Variants in DISC1 observed in about 807,000 individuals in gnomAD.
The protein encoded by DISC1 is DISC1 scaffold protein.
In DISC1, 57 loss-of-function variants were observed where a neutral mutation model predicts 84.5. That is an observed-to-expected ratio of 0.67 (90% CI 0.55 to 0.84). DISC1 has a LOEUF of 0.84. DISC1 is among the 40% of genes least tolerant of loss of function. DISC1 has a pLI of 0.00. For synonymous variants in DISC1, 411 were observed against 415.2 expected, an observed-to-expected ratio of 0.99 and a Z score of 0.12; for missense variants, 1,000 against 1,057.8, an observed-to-expected ratio of 0.95 and a Z score of 0.76.
chr1:231,628,923 G>A (rs950713518), intron 1 of DISC1, among the ~76,000 whole-genome samples: 2 of 151,638 alleles, frequency 1.3e-5, no homozygotes, highest in Non-Finnish European at 2.9e-5. Flanking sequence ...TTTTTTTAGA[G>A]TTGGAGTCTT....
intron 9 of DISC1, among the ~76,000 whole-genome samples, chr1:231,919,382 G>C (rs367699997): frequency 6.6e-6 from 1 of 152,184 alleles, no homozygotes; most frequent in East Asian, 1.9e-4. Context: ...GTTTTGGGTG[G>C]ATTTCTTTTT....
At chr1:231,990,182 G>A (rs761391297) in intron 10 of DISC1, among the ~76,000 whole-genome samples, 5 of 152,006 alleles carry the variant, frequency 3.3e-5, no homozygotes, top group Non-Finnish European at 4.4e-5. Flanking sequence ...TTGTCTGGTG[G>A]TTCTGTTATC....
intron 8 of DISC1, among the ~76,000 whole-genome samples, chr1:231,805,599 CT>C (rs2079643704): frequency 6.6e-6 from 1 of 151,818 alleles, no homozygotes; most frequent in African/African-American, 2.4e-5. Flanking sequence ...GAAACTGCCC[CT>C]ATGATCCAAT....
chr1:231,702,404 AC>A (rs1188297325), intron 3 of DISC1: 1 of 1,001,802 alleles, frequency 1.0e-6, no homozygotes, highest in African/African-American at 1.7e-5. Context: ...GGAAAGTAAG[AC>A]AGACATGGTA....
At chr1:231,907,131 C>CTTTTTCTTTCTTTCTT (rs1334782802) in intron 9 of DISC1, among the ~76,000 whole-genome samples, 1 of 93,100 alleles carries the variant, frequency 1.1e-5, no homozygotes, top group Non-Finnish European at 2.0e-5. Context: ...TCCTTCCTTC[C>CTTTTTCTTTCTTTCTT]TCTTTCTTTC....
At chr1:231,644,908 C>T (rs2060001367) in intron 1 of DISC1, among the ~76,000 whole-genome samples, 1 of 151,850 alleles carries the variant, frequency 6.6e-6, no homozygotes, top group Admixed American at 6.6e-5. Flanking sequence ...GGGTTTGTGC[C>T]CTAGGATCCT....
chr1:231,907,713 T>C (rs2088848390), intron 9 of DISC1, among the ~76,000 whole-genome samples: 1 of 152,192 alleles, frequency 6.6e-6, no homozygotes, highest in Admixed American at 6.5e-5. Flanking sequence ...CTGGGTCAAA[T>C]GGTATTTCTA....
intron 1 of DISC1, among the ~76,000 whole-genome samples, chr1:231,678,356 G>A (rs890136162): frequency 2.6e-5 from 4 of 152,138 alleles, no homozygotes; most frequent in African/African-American, 4.8e-5. Context: ...CTCGGCAGGC[G>A]GGCAGCTCTG....
chr1:232,034,010 AT>A (rs568980061), intron 12 of DISC1, among the ~76,000 whole-genome samples: 1 of 150,898 alleles, frequency 6.6e-6, no homozygotes, highest in South Asian at 2.1e-4. Flanking sequence ...CCCATTCTGC[AT>A]TTTTTTTTCT....
chr1:232,009,904 G>A lies in DISC1; in HGVS notation c.2307+855G>A, dbSNP rs1667872603. 1.3e-5 allele frequency among the ~76,000 whole-genome samples: 2 copies of A among 152,322 alleles called. No individual in the cohort carries two copies. The highest frequency in any genetic ancestry group is 1.9e-4 in the East Asian group (1 of 5,178). On this transcript the variant is annotated intron_variant, in intron 11 of 12. Coordinates refer to ENST00000439617, the MANE Select transcript of DISC1 (RefSeq NM_018662.3). This position sits in a 1 kb window ranked among gnomAD's most constrained non-coding sequence, Gnocchi z 4.6. ...CTTTCAAGTCTCATGGTTGATGTTA[G>A]ATGTTAGCTGTGCTTCCTCCCTGGG...
intron 6 of DISC1, among the ~76,000 whole-genome samples, chr1:231,791,025 A>G (rs1024735044): frequency 1.3e-5 from 2 of 152,194 alleles, no homozygotes; most frequent in African/African-American, 2.4e-5. Context: ...TTCTTTTGCC[A>G]CAGCCACCCC....
intron 11 of DISC1, among the ~76,000 whole-genome samples, chr1:232,016,233 A>G (rs150180425): frequency 6.6e-6 from 1 of 152,252 alleles, no homozygotes; most frequent in Non-Finnish European, 1.5e-5. Context: ...TATAAAGTGA[A>G]CATGGATGGA....
chr1:231,683,804 C>T (rs1458932831), intron 1 of DISC1, among the ~76,000 whole-genome samples: 1 of 152,002 alleles, frequency 6.6e-6, no homozygotes, highest in Non-Finnish European at 1.5e-5. Flanking sequence ...TCGGTCCCCA[C>T]CTGGAAGCCA....
intron 9 of DISC1, among the ~76,000 whole-genome samples, chr1:231,856,134 G>A (rs2084254135): frequency 6.6e-6 from 1 of 152,212 alleles, no homozygotes. Context: ...TCAGATGGGA[G>A]ATGGGTTGCC....
rs775477136 is a variant in DISC1, at chr1:231,626,905, C to CCGG, written c.50_52dup (p.Gly17dup). On this transcript the variant is annotated inframe_insertion, in exon 1 of 13. Coordinates refer to ENST00000439617, the MANE Select transcript of DISC1 (RefSeq NM_018662.3). ...GGTCCTCAGGGCGCCCCAGCCGCCG[C>CCGG]CGGCGGCGGCGGCGTGAGCCACCGC... 9.3e-6 allele frequency: 14 copies of CCGG among 1,502,422 alleles called. No individual in the cohort carries two copies. The East Asian group carries it at 1.1e-4, about 11-fold the overall frequency. The allele number at this position is 1,502,422 out of a possible 1,614,324, so 93.1% of individuals were successfully genotyped here.
Position 231,723,621 on chromosome 1 carries a change from A to T in DISC1, c.1117+21597A>T, listed in dbSNP as rs931475508. On this transcript the variant is annotated intron_variant, in intron 3 of 12. Coordinates refer to ENST00000439617, the MANE Select transcript of DISC1 (RefSeq NM_018662.3). ...TATTGGTCCTATTCTGTCTTATAACAGTCTGCTCTGGTGATTTTTGTCTCA... is the reference window on the plus strand; with the variant it reads ...TATTGGTCCTATTCTGTCTTATAACTGTCTGCTCTGGTGATTTTTGTCTCA... 4 of 985,336 alleles carry T rather than the reference A, an allele frequency of 4.1e-6. No individual in the cohort carries two copies. The African/African-American group carries it at 7.0e-5, about 17-fold the overall frequency. 61.0% of individuals were successfully genotyped at this position (985,336 alleles called of 1,614,324 possible).
intron 1 of DISC1, among the ~76,000 whole-genome samples, chr1:231,687,480 C>T (rs1441207801): frequency 6.6e-6 from 1 of 152,166 alleles, no homozygotes; most frequent in Non-Finnish European, 1.5e-5. Context: ...GGGGAAATTG[C>T]CCCCATCATT....
intron 10 of DISC1, among the ~76,000 whole-genome samples, chr1:231,968,734 G>T (rs936376709): frequency 6.6e-6 from 1 of 152,100 alleles, no homozygotes; most frequent in Admixed American, 6.5e-5. Flanking sequence ...GGTCGATCTG[G>T]AAGCTTCATC....
intron 3 of DISC1, among the ~76,000 whole-genome samples, chr1:231,720,399 C>T (rs1165303293): frequency 6.6e-6 from 1 of 152,070 alleles, no homozygotes; most frequent in African/African-American, 2.4e-5. Flanking sequence ...GGTGCAGTGG[C>T]ATGATCATAG....
Sources: gnomAD v4.1 joint callset for allele counts (sites outside exome capture counted in the v4.1 genomes callset) on GRCh38, gnomAD v4.1.1 for gene constraint, Gnocchi (gnomAD v3.1) non-coding constraint, MANE v1.5 for transcripts, NCBI Gene and HGNC (gene_info 2026-07-23, HGNC 2026-07-21) for gene names.